GPAT4: variants seen among roughly 807,000 people sequenced by gnomAD.
The protein encoded by GPAT4 is 1-AGP acyltransferase 6.
GPAT4 carries 17 observed loss-of-function variants against 58.0 expected under a neutral mutation model. That is an observed-to-expected ratio of 0.29 (90% CI 0.20 to 0.44). The LOEUF is 0.44. GPAT4 is among the 20% of genes least tolerant of loss of function. GPAT4 has a pLI of 1.00. For synonymous variants in GPAT4, 204 were observed against 210.1 expected (o/e 0.97, Z 0.25); for missense variants, 377 against 574.5 (o/e 0.66, Z 3.51).
At chr8:41,613,099 A>G (rs1050458273) in intron 8 of GPAT4, 139 bp downstream of exon 8, 7 of 720,328 alleles carry the variant, frequency 9.7e-6, no homozygotes, top group Non-Finnish European at 1.3e-5. Context: ...TTCCTAAAAC[A>G]TGAAATTTTA....
intron 2 of GPAT4, among the ~76,000 whole-genome samples, chr8:41,600,200 G>T (rs930927273): frequency 6.6e-6 from 1 of 151,472 alleles, no homozygotes; most frequent in African/African-American, 2.4e-5. Context: ...CACCACACCC[G>T]GCTATTTTTT....
At chr8:41,582,688 T>TGTGTGG (rs147724914) in intron 1 of GPAT4, among the ~76,000 whole-genome samples, 20,844 of 151,438 alleles carry the variant, frequency 0.14, 1,495 homozygotes, top group Middle Eastern at 0.2. Context: ...TGTGTGTGTG[T>TGTGTGG]GTGTGTGGGT....
intron 1 of GPAT4, among the ~76,000 whole-genome samples, chr8:41,592,199 AGTGCCAATAACACAAC>A (rs879512010): frequency 4.6e-5 from 7 of 152,220 alleles, no homozygotes; most frequent in Non-Finnish European, 1.0e-4. Flanking sequence ...ATGGTTTAAT[AGTGCCAATAACACAAC>A]TACCTGCCCA....
chr8:41,624,777 G>A lies in GPAT4; in HGVS notation c.*3776G>A, dbSNP rs1004784261. ...TTCATTTGTAAACGATAAATAAAAA[G>A]GGGGAACTTTTCATTGCGCCAGGGG... On this transcript the variant is annotated 3_prime_UTR_variant, in exon 13 of 13. Coordinates refer to ENST00000396987, the MANE Select transcript of GPAT4 (RefSeq NM_178819.4). The A allele has an allele frequency of 6.6e-6, 1 of 152,100 alleles. No individual in the cohort carries two copies. The highest frequency in any genetic ancestry group is 1.5e-5 in the Non-Finnish European group (1 of 68,032). 9.4% of individuals were successfully genotyped at this position (152,100 alleles called of 1,614,324 possible).
intron 10 of GPAT4, 152 bp from the exon 11 acceptor site, chr8:41,618,532 T>C: frequency 1.0e-6 from 1 of 958,890 alleles, no homozygotes; most frequent in Non-Finnish European, 1.6e-6. Context: ...ACCGGCCACA[T>C]GGAGAGGGGC....
At chr8:41,610,288 G>A (rs1056510257) in intron 4 of GPAT4, 2 of 1,234,886 alleles carry the variant, frequency 1.6e-6, no homozygotes, top group South Asian at 1.9e-5. Context: ...TCAGGTACAG[G>A]GGCAGTATTG....
intron 1 of GPAT4, among the ~76,000 whole-genome samples, chr8:41,588,628 C>T (rs750205067): frequency 2.0e-5 from 3 of 151,930 alleles, no homozygotes; most frequent in East Asian, 1.9e-4. Context: ...TGCTTGTTTC[C>T]GGATGGGCAT....
At chr8:41,597,962 TG>T (rs1802976350) in intron 1 of GPAT4, among the ~76,000 whole-genome samples, 1 of 152,250 alleles carries the variant, frequency 6.6e-6, no homozygotes, top group Non-Finnish European at 1.5e-5. Flanking sequence ...TCTGAGTATC[TG>T]GGGGACAGGA....
chr8:41,616,876 T>A (rs1427290866), intron 10 of GPAT4, among the ~76,000 whole-genome samples: 2 of 152,204 alleles, frequency 1.3e-5, no homozygotes, highest in African/African-American at 4.8e-5. Flanking sequence ...CCTTAGCGAT[T>A]TCAAGGCTCT....
intron 10 of GPAT4, among the ~76,000 whole-genome samples, chr8:41,616,337 C>G (rs772854183): frequency 1.7e-4 from 26 of 152,220 alleles, no homozygotes; most frequent in Non-Finnish European, 4.4e-5. Context: ...CAGTCTGTCA[C>G]CCAGGCTGGA....
intron 2 of GPAT4, among the ~76,000 whole-genome samples, chr8:41,602,261 G>A (rs1229646900): frequency 6.6e-6 from 1 of 152,162 alleles, no homozygotes; most frequent in Non-Finnish European, 1.5e-5. Flanking sequence ...CCTGGCCTGG[G>A]GCACAGTGAT....
Position 41,599,173 on chromosome 8 carries a change from G to T in GPAT4, c.34G>T (p.Val12Phe), listed in dbSNP as rs749192194. 6.8e-6 allele frequency: 11 copies of T among 1,613,012 alleles called. No individual in the cohort carries two copies. The highest frequency in any genetic ancestry group is 9.3e-6 in the Non-Finnish European group (11 of 1,179,710). The change falls in exon 2 of 13, where the codon GTC becomes TTC. Residue 12 changes from valine to phenylalanine, a missense_variant. Transcript: ENST00000396987. ...FLLLPFDSLI[V>F]NLLGISLTVL... ...GTTGCTGCCTTTTGATAGCCTGATT[G>T]TCAACCTTCTGGGCATCTCCCTGAC...
chr8:41,610,256 A>T, intron 4 of GPAT4: 1 of 1,271,516 alleles, frequency 7.9e-7, no homozygotes, highest in Non-Finnish European at 9.9e-7. Context: ...GACATGGCTC[A>T]TTCTTTCCTG....
At chr8:41,614,817 G>GT (rs1297355386) in intron 9 of GPAT4, 146 bp from the exon 10 acceptor site, 2 of 687,422 alleles carry the variant, frequency 2.9e-6, no homozygotes, top group Non-Finnish European at 4.9e-6. Flanking sequence ...TTAAGTGTTT[G>GT]TTTTTAAGTT....
chr8:41,597,834 C>T (rs1251197507), intron 1 of GPAT4, among the ~76,000 whole-genome samples: 3 of 151,372 alleles, frequency 2.0e-5, no homozygotes, highest in Non-Finnish European at 4.5e-5. Flanking sequence ...GTCCTTGTTG[C>T]CTGGCCTGGG....
At chr8:41,597,825 T>C (rs1190503636) in intron 1 of GPAT4, among the ~76,000 whole-genome samples, 1 of 151,550 alleles carries the variant, frequency 6.6e-6, no homozygotes, top group African/African-American at 2.4e-5. Context: ...GAATAATACG[T>C]CCTTGTTGCC....
intron 1 of GPAT4, among the ~76,000 whole-genome samples, chr8:41,597,824 G>A (rs10104838): frequency 0.022 from 3,406 of 152,284 alleles, 114 homozygotes; most frequent in African/African-American, 0.075. Context: ...AGAATAATAC[G>A]TCCTTGTTGC....
At chr8:41,595,719 CTCTT>C (rs1802912796) in intron 1 of GPAT4, among the ~76,000 whole-genome samples, 1 of 152,076 alleles carries the variant, frequency 6.6e-6, no homozygotes, top group South Asian at 2.1e-4. Flanking sequence ...AACTTTCTCT[CTCTT>C]TGACTTTTCC....
In GPAT4 at chr8:41,599,135, C is replaced by T. The variant is rs780311042; in HGVS notation, c.-5C>T. On this transcript the variant is annotated 5_prime_UTR_variant, in exon 2 of 13. Coordinates refer to ENST00000396987, the MANE Select transcript of GPAT4 (RefSeq NM_178819.4). ...CAGGTGCTGGCCTGGCCTGGATCTTCCACCATGTTCCTGTTGCTGCCTTTT... is the reference window on the plus strand; with the variant it reads ...CAGGTGCTGGCCTGGCCTGGATCTTTCACCATGTTCCTGTTGCTGCCTTTT... The T allele has an allele frequency of 1.9e-5, 30 of 1,609,346 alleles. No homozygotes were observed. Among genetic ancestry groups the T allele is most frequent in the Non-Finnish European group, 2.3e-5 (27 of 1,178,590 alleles).
Sources: gnomAD v4.1 joint callset for allele counts (sites outside exome capture counted in the v4.1 genomes callset) on GRCh38, gnomAD v4.1.1 for gene constraint, MANE v1.5 for transcripts, NCBI Gene and HGNC (gene_info 2026-07-23, HGNC 2026-07-21) for gene names.